SESTD1: variants seen among roughly 807,000 people sequenced by gnomAD.
SESTD1 encodes SEC14 and spectrin domain containing 1.
SESTD1 carries 43 observed loss-of-function variants against 101.7 expected under a neutral mutation model. That is an observed-to-expected ratio of 0.42 (90% CI 0.33 to 0.55). SESTD1 has a LOEUF of 0.55. Among genes scored for constraint, SESTD1 ranks in the 20% least tolerant of loss-of-function variants. The pLI, the probability that SESTD1 is intolerant of heterozygous loss-of-function variation, is 0.07. For missense variants in SESTD1, 647 were observed against 815.1 expected, an observed-to-expected ratio of 0.79 and a Z score of 2.51; for synonymous variants, 283 against 286.8, an observed-to-expected ratio of 0.99 and a Z score of 0.13.
At chr2:179,232,498 A>G (rs2105539544) in intron 1 of SESTD1, among the ~76,000 whole-genome samples, 1 of 152,244 alleles carries the variant, frequency 6.6e-6, no homozygotes, top group East Asian at 1.9e-4. Flanking sequence ...GCACAAATTC[A>G]AAGTAAGAAG....
intron 1 of SESTD1, among the ~76,000 whole-genome samples, chr2:179,194,699 C>T (rs1386894413): frequency 6.6e-6 from 1 of 152,116 alleles, no homozygotes; most frequent in Non-Finnish European, 1.5e-5. Flanking sequence ...TGATCACTTG[C>T]CTGATTCAGA....
chr2:179,199,068 T>G (rs1335434314), intron 1 of SESTD1, among the ~76,000 whole-genome samples: 1 of 151,138 alleles, frequency 6.6e-6, no homozygotes, highest in African/African-American at 2.4e-5. Flanking sequence ...GCAAGACTAA[T>G]AAAGAAAAAA....
rs111973657 is a variant in SESTD1, at chr2:179,136,518, C to T, written c.850-4092G>A. Among the ~76,000 whole-genome samples, 319 of 152,274 alleles carry T rather than the reference C, an allele frequency of 2.1e-3. 6 individuals carry two copies. The highest frequency in any genetic ancestry group is 7.3e-3 in the African/African-American group (305 of 41,560). The stretch of plus-strand genomic sequence containing the variant: ...CCATGTCTTTTTTGGGAATCAATTG[C>T]TTCTCATTTATCACTATGTGTTACA... On this transcript the variant is annotated intron_variant, in intron 9 of 17. Transcript: ENST00000428443.
intron 5 of SESTD1, among the ~76,000 whole-genome samples, chr2:179,170,592 C>A (rs1304209356): frequency 1.3e-5 from 2 of 152,088 alleles, no homozygotes; most frequent in Non-Finnish European, 2.9e-5. Flanking sequence ...TTACAAGATC[C>A]TTGGCATTTC....
chr2:179,191,507 A>AT (rs1387958600), intron 2 of SESTD1, among the ~76,000 whole-genome samples: 1 of 152,104 alleles, frequency 6.6e-6, no homozygotes, highest in Non-Finnish European at 1.5e-5. Flanking sequence ...AGGAGAATCA[A>AT]TTATACCCCA....
At chr2:179,207,452 T>C (rs1251402125) in intron 1 of SESTD1, among the ~76,000 whole-genome samples, 1 of 134,698 alleles carries the variant, frequency 7.4e-6, no homozygotes, top group Non-Finnish European at 1.6e-5. Flanking sequence ...CAAACAAAAC[T>C]AAAATCAAGG....
At chr2:179,155,622 A>G (rs1179452462) in intron 5 of SESTD1, among the ~76,000 whole-genome samples, 1 of 152,132 alleles carries the variant, frequency 6.6e-6, no homozygotes, top group Non-Finnish European at 1.5e-5. Context: ...TCTCAAAAAA[A>G]AAACAAAACG....
intron 2 of SESTD1, among the ~76,000 whole-genome samples, chr2:179,185,066 G>C (rs956293142): frequency 1.3e-5 from 2 of 152,070 alleles, no homozygotes; most frequent in African/African-American, 4.8e-5. Context: ...ATTGAAAAGA[G>C]TGTGAGAACA....
chr2:179,162,947 C>T (rs185416846), intron 5 of SESTD1, among the ~76,000 whole-genome samples: 4 of 149,942 alleles, frequency 2.7e-5, no homozygotes, highest in Middle Eastern at 3.5e-3. Flanking sequence ...GCCAAGATTG[C>T]GCCACTGCAC....
intron 1 of SESTD1, among the ~76,000 whole-genome samples, chr2:179,203,193 T>C (rs1192174688): frequency 7.4e-6 from 1 of 134,968 alleles, no homozygotes; most frequent in Non-Finnish European, 1.6e-5. Flanking sequence ...CATGACTCTA[T>C]ACAATTTCCC....
chr2:179,119,486 C>CA (rs2044701715), intron 13 of SESTD1, among the ~76,000 whole-genome samples: 1 of 152,154 alleles, frequency 6.6e-6, no homozygotes, highest in Admixed American at 6.6e-5. Flanking sequence ...AATCTAACAT[C>CA]AAAGTGTAAT....
At chr2:179,141,178 C>T (rs1306879864) in intron 9 of SESTD1, among the ~76,000 whole-genome samples, 2 of 152,208 alleles carry the variant, frequency 1.3e-5, no homozygotes, top group African/African-American at 4.8e-5. Context: ...TCACCTCAAA[C>T]TTAACAAGTC....
chr2:179,199,433 G>C (rs1574030374), intron 1 of SESTD1, among the ~76,000 whole-genome samples: 1 of 152,116 alleles, frequency 6.6e-6, no homozygotes, highest in Non-Finnish European at 1.5e-5. Flanking sequence ...GAAAAAGAGG[G>C]AATCCTCCCT....
intron 2 of SESTD1, among the ~76,000 whole-genome samples, chr2:179,187,255 C>A (rs954682264): frequency 6.6e-5 from 10 of 152,146 alleles, no homozygotes; most frequent in Non-Finnish European, 1.3e-4. Context: ...ATTATAACCT[C>A]ACATATCAAT....
intron 12 of SESTD1, among the ~76,000 whole-genome samples, chr2:179,122,185 T>C (rs559326552): frequency 3.3e-5 from 5 of 152,324 alleles, no homozygotes; most frequent in African/African-American, 4.8e-5. Context: ...TGGGTTTCCA[T>C]AGACAATAAT....
chr2:179,152,801 A>G lies in SESTD1; in HGVS notation c.370-1410T>C, dbSNP rs566635685. Among the ~76,000 whole-genome samples, 722 of 152,278 alleles carry G rather than the reference A, an allele frequency of 4.7e-3. 7 individuals carry two copies. The highest frequency in any genetic ancestry group is 6.4e-3 in the Non-Finnish European group (434 of 68,014). On this transcript the variant is annotated intron_variant, in intron 5 of 17. Transcript: ENST00000428443. Reference sequence around the variant, plus strand: ...ACATTAAATGGAAATTAAGTCTTAAATATTTATATGAGGAAACAAAGCCTA... The same window carrying G: ...ACATTAAATGGAAATTAAGTCTTAAGTATTTATATGAGGAAACAAAGCCTA...
rs761312757 is a variant in SESTD1 at position 179,115,248 on chromosome 2, A to G, written c.1656T>C (p.Tyr552=). The G allele has an allele frequency of 9.5e-6, 15 of 1,575,170 alleles. No homozygotes were observed. The highest frequency in any genetic ancestry group is 5.9e-5 in the South Asian group (5 of 84,826). The change falls in exon 16 of 18, where the codon TAT becomes TAC. Residue 552 remains tyrosine (Y), a synonymous_variant. Coordinates refer to ENST00000428443, the MANE Select transcript of SESTD1 (RefSeq NM_178123.5). ...CCTGTAGCAACTGCCTGCCATAGTC[A>G]TAAGTGCTCTAAAAAAGAAAAGGAA... ...RKFVDVAQST[Y]DYGRQLLQAT... is the part of the protein sequence containing the mutation.
intron 1 of SESTD1, among the ~76,000 whole-genome samples, chr2:179,218,938 A>C (rs536379896): frequency 2.0e-4 from 30 of 152,354 alleles, no homozygotes; most frequent in Non-Finnish European, 3.8e-4. Context: ...ATGAACAATA[A>C]AATGAACAAA....
At chr2:179,257,715 T>C (rs1441254362) in intron 1 of SESTD1, among the ~76,000 whole-genome samples, 2 of 152,150 alleles carry the variant, frequency 1.3e-5, no homozygotes, top group Non-Finnish European at 2.9e-5. Flanking sequence ...AAAAATTGTA[T>C]AATATAAAAA....
Sources: allele counts gnomAD v4.1 joint callset (sites outside exome capture counted in the v4.1 genomes callset), GRCh38; gene constraint gnomAD v4.1.1; transcripts MANE v1.5; gene names NCBI Gene and HGNC (gene_info 2026-07-23, HGNC 2026-07-21).